CFAP74: variants seen among roughly 807,000 people sequenced by gnomAD.
CFAP74 encodes cilia and flagella associated protein 74, also known as cilia- and flagella-associated protein 74.
In CFAP74, 124 loss-of-function variants were observed where a neutral mutation model predicts 188.9. The observed-to-expected ratio is 0.66, with a 90% CI of 0.57 to 0.76. The LOEUF (loss-of-function observed/expected upper bound fraction) is 0.76, where lower values mean the gene tolerates loss of function less well. Among genes scored for constraint, CFAP74 ranks in the 30% least tolerant of loss-of-function variants. The pLI, the probability that CFAP74 is intolerant of heterozygous loss-of-function variation, is 0.00. For missense variants in CFAP74, 2,198 were observed against 2,165.2 expected (o/e 1.02, Z -0.30); for synonymous variants, 956 against 916.7 (o/e 1.04, Z -0.77).
chr1:1,933,154 G>T (rs956029980), intron 25 of CFAP74, among the ~76,000 whole-genome samples: 8 of 151,036 alleles, frequency 5.3e-5, no homozygotes, highest in African/African-American at 1.9e-4. Context: ...CCAAAGTGCT[G>T]GGATTACATG....
At chr1:1,999,028 A>G (rs1408050983) in intron 1 of CFAP74, among the ~76,000 whole-genome samples, 1 of 152,230 alleles carries the variant, frequency 6.6e-6, no homozygotes, top group Non-Finnish European at 1.5e-5. Flanking sequence ...CCAAATCCCA[A>G]CAGAAATGTG....
chr1:1,953,081 T>C (rs1654301133), intron 18 of CFAP74, among the ~76,000 whole-genome samples: 1 of 152,152 alleles, frequency 6.6e-6, no homozygotes, highest in Non-Finnish European at 1.5e-5. Context: ...TATGTGGAAA[T>C]GTAAAGGACC....
intron 27 of CFAP74, 144 bp from the exon 28 acceptor site, chr1:1,927,890 C>A: frequency 1.1e-6 from 1 of 882,278 alleles, no homozygotes; most frequent in Non-Finnish European, 1.7e-6. Context: ...GACCGGCGCC[C>A]GAGGAAGACA....
chr1:1,957,408 A>G (rs768711239), intron 16 of CFAP74, among the ~76,000 whole-genome samples: 5 of 152,214 alleles, frequency 3.3e-5, no homozygotes, highest in African/African-American at 7.2e-5. Context: ...CGTGGTTCGC[A>G]GAGGGCGGTC....
chr1:1,978,133 C>T (rs912443312), intron 6 of CFAP74, among the ~76,000 whole-genome samples: 4 of 152,262 alleles, frequency 2.6e-5, no homozygotes, highest in African/African-American at 9.6e-5. Context: ...CAGGCGTGAG[C>T]CACTGCATCC....
intron 18 of CFAP74, among the ~76,000 whole-genome samples, chr1:1,951,290 C>T (rs568864314): frequency 6.6e-5 from 10 of 152,220 alleles, no homozygotes; most frequent in Non-Finnish European, 1.5e-4. Context: ...AATTCAATCA[C>T]TTTCCTCTCT....
At chr1:1,924,014 C>A (rs536563327) in intron 34 of CFAP74, 85 bp from the exon 35 acceptor site, 24 of 1,359,982 alleles carry the variant, frequency 1.8e-5, no homozygotes, top group Non-Finnish European at 2.4e-5. Context: ...GAGCTCTACA[C>A]CCTGCCCGCC....
In CFAP74 at chr1:1,991,785, A is replaced by G. The variant is rs1273717567; in HGVS notation, c.-19-810T>C. On this transcript the variant is annotated intron_variant, in intron 1 of 38. Transcript: ENST00000682832. ...CTGGGCGTGGTGGCTCACACCTGTA[A>G]TCCCAGCACTTTGGGAGGCCAAGGT... 2.0e-5 allele frequency among the ~76,000 whole-genome samples: 3 copies of G among 152,080 alleles called. No homozygotes were observed. The East Asian group carries it at 5.8e-4, about 29-fold the overall frequency.
At chr1:1,960,244 C>G in intron 14 of CFAP74, 1 of 561,480 alleles carries the variant, frequency 1.8e-6, no homozygotes, top group Non-Finnish European at 3.1e-6. Context: ...CCAGTGTGTG[C>G]GAACGTTTGT....
chr1:1,983,354 G>A (rs1046940579), intron 6 of CFAP74, among the ~76,000 whole-genome samples: 5 of 152,204 alleles, frequency 3.3e-5, no homozygotes, highest in African/African-American at 1.2e-4. Context: ...GAACGGTGTC[G>A]CTGCACTGAA....
intron 10 of CFAP74, among the ~76,000 whole-genome samples, chr1:1,969,591 C>G (rs1401092193): frequency 6.6e-6 from 1 of 152,206 alleles, no homozygotes; most frequent in Non-Finnish European, 1.5e-5. Flanking sequence ...GAGAGTAGCA[C>G]CAGGGCTAAA....
chr1:1,961,291 A>G (rs941988419), intron 14 of CFAP74, among the ~76,000 whole-genome samples: 1 of 152,174 alleles, frequency 6.6e-6, no homozygotes, highest in African/African-American at 2.4e-5. Context: ...GAATCTTCAG[A>G]TTCAACAGCA....
intron 6 of CFAP74, among the ~76,000 whole-genome samples, chr1:1,980,424 C>T (rs1656760747): frequency 7.2e-6 from 1 of 138,086 alleles, no homozygotes; most frequent in African/African-American, 2.8e-5. Context: ...AGTGGGCGCC[C>T]TCTTACCGTG....
chr1:1,940,259 G>C (rs1653273532), intron 23 of CFAP74, 57 bp downstream of exon 23: 14 of 1,374,946 alleles, frequency 1.0e-5, no homozygotes, highest in Non-Finnish European at 1.3e-5. Context: ...GGCCTCCCAG[G>C]AAAGCCCCTG....
At chr1:1,929,761 C>G (rs1652212794) in intron 26 of CFAP74, among the ~76,000 whole-genome samples, 1 of 151,894 alleles carries the variant, frequency 6.6e-6, no homozygotes, top group South Asian at 2.1e-4. Flanking sequence ...CAGTCTCAAC[C>G]TGGGAGCCCT....
intron 14 of CFAP74, among the ~76,000 whole-genome samples, chr1:1,962,179 TAAAG>T (rs1202826010): frequency 1.3e-5 from 2 of 152,096 alleles, no homozygotes; most frequent in Non-Finnish European, 2.9e-5. Context: ...TTCTTAAAAA[TAAAG>T]TAAGTTAGGC....
At chr1:1,931,791 G>A (rs1440097636) in intron 25 of CFAP74, among the ~76,000 whole-genome samples, 3 of 147,354 alleles carry the variant, frequency 2.0e-5, no homozygotes, top group Admixed American at 6.8e-5. Flanking sequence ...GGCTGGGCGC[G>A]GTGACTCACG....
At chr1:1,987,490 C>T (rs1657312382) in intron 4 of CFAP74, among the ~76,000 whole-genome samples, 1 of 151,932 alleles carries the variant, frequency 6.6e-6, no homozygotes, top group East Asian at 1.9e-4. Context: ...CTGGGGGCGA[C>T]TCAGGCCTCA....
Position 1,942,701 on chromosome 1 carries a change from C to T in CFAP74, c.2487-545G>A, listed in dbSNP as rs181286030. On this transcript the variant is annotated intron_variant, in intron 21 of 38. Transcript: ENST00000682832. The surrounding 1 kb of genome is among the most constrained non-coding windows in gnomAD (Gnocchi z 4.3). The stretch of plus-strand genomic sequence containing the variant: ...CATGCGTCTGTCCGGTCCCTACCTC[C>T]GGCTCCCTTAAGCCAACGGCCTCCT... 9.8e-4 allele frequency among the ~76,000 whole-genome samples: 150 copies of T among 152,314 alleles called. No homozygotes were observed. Among genetic ancestry groups the T allele is most frequent in the African/African-American group, 3.3e-3 (137 of 41,560 alleles).
Sources: allele counts gnomAD v4.1 joint callset (sites outside exome capture counted in the v4.1 genomes callset), GRCh38; gene constraint gnomAD v4.1.1; non-coding constraint Gnocchi (gnomAD v3.1); transcripts MANE v1.5; gene names NCBI Gene and HGNC (gene_info 2026-07-23, HGNC 2026-07-21).